EPHA8: variants seen among roughly 807,000 people sequenced by gnomAD.
The protein encoded by EPHA8 is ephrin type-A receptor 8.
Under a neutral mutation model 103.6 loss-of-function variants are expected in EPHA8, and 58 were observed. That is an observed-to-expected ratio of 0.56 (90% CI 0.45 to 0.70). EPHA8 has a LOEUF of 0.70. Ranked by LOEUF, EPHA8 falls within the 30% of genes least tolerant of loss-of-function variation. The pLI is 0.00. For synonymous variants in EPHA8, 559 were observed against 572.5 expected, an observed-to-expected ratio of 0.98 and a Z score of 0.34; for missense variants, 1,304 against 1,395.2, an observed-to-expected ratio of 0.93 and a Z score of 1.04.
At position 22,578,428 on chromosome 1, in the gene EPHA8, ATG is replaced by A. The variant is rs904533856; in HGVS notation, c.823+1552_823+1553del. 8.6e-5 allele frequency among the ~76,000 whole-genome samples: 7 copies of A among 81,438 alleles called. No individual in the cohort carries two copies. In the South Asian group the frequency reaches 1.3e-3, roughly 15 times the overall value. 53.4% of individuals were successfully genotyped at this position (81,438 alleles called of 152,430 possible). A position where few individuals can be genotyped will look rare whatever the true frequency, so the allele number is the denominator to read the frequency against. On this transcript the variant is annotated intron_variant, in intron 3 of 16. Coordinates refer to ENST00000166244, the MANE Select transcript of EPHA8 (RefSeq NM_020526.5). ...TGTATGCATGTCTGCATGTGTACGT[ATG>A]TGTACGTGTGTGCATGTGTGCGAGT... is the stretch of plus-strand genomic sequence containing the variant.
intron 5 of EPHA8, among the ~76,000 whole-genome samples, chr1:22,591,940 C>T (rs894530810): frequency 1.3e-5 from 2 of 152,200 alleles, no homozygotes; most frequent in Admixed American, 6.5e-5. Flanking sequence ...ACCAAAAGAA[C>T]CCCCATTCTC....
At position 22,601,885 on chromosome 1, in the gene EPHA8, C is replaced by T. The variant is rs1641748819; in HGVS notation, c.*144C>T. On this transcript the variant is annotated 3_prime_UTR_variant, in exon 17 of 17. Coordinates refer to ENST00000166244, the MANE Select transcript of EPHA8 (RefSeq NM_020526.5). ...GCTGGAGGAGCTGAAGGCTTCGCCA[C>T]AGGACCTGGAGTTATCAGGGGTCAG... The T allele has an allele frequency of 3.6e-6, 3 of 842,334 alleles. No individual in the cohort carries two copies. The highest frequency in any genetic ancestry group is 5.5e-6 in the Non-Finnish European group (3 of 542,052). 52.2% of individuals were successfully genotyped at this position (842,334 alleles called of 1,614,324 possible).
At position 22,598,717 on chromosome 1, in the gene EPHA8, A is replaced by G; in HGVS notation, c.2179-121A>G. ...CAAAGTGCTTCAGAAGTAGTGGCGC[A>G]CTTGGCAAATTGCAAAGCACCGTCT... On this transcript the variant is annotated intron_variant, in intron 12 of 16. Transcript: ENST00000166244. This position sits in a 1 kb window ranked among gnomAD's most constrained non-coding sequence, Gnocchi z 5.1. 1.0e-6 allele frequency: 1 copy of G among 973,596 alleles called. No homozygotes were observed. 60.3% of individuals were successfully genotyped at this position (973,596 alleles called of 1,614,324 possible).
At position 22,571,900 on chromosome 1, in the gene EPHA8, G is replaced by A. The variant is rs138469609; in HGVS notation, c.159+2547G>A. Among the ~76,000 whole-genome samples the A allele has an allele frequency of 3.0e-3, 461 of 152,226 alleles. 5 individuals are homozygous for A. Among genetic ancestry groups the A allele is most frequent in the African/African-American group, 9.9e-3 (413 of 41,534 alleles). The stretch of plus-strand genomic sequence containing the variant: ...AAAAAAATTAAAATTAGCTGAGAGT[G>A]GTGGTGCACGCTTGTGGTCCCCGCT... On this transcript the variant is annotated intron_variant, in intron 2 of 16. Coordinates refer to ENST00000166244, the MANE Select transcript of EPHA8 (RefSeq NM_020526.5).
At chr1:22,581,140 G>A (rs1387826969) in intron 3 of EPHA8, among the ~76,000 whole-genome samples, 1 of 152,124 alleles carries the variant, frequency 6.6e-6, no homozygotes, top group East Asian at 1.9e-4. Context: ...GAAAAACTGA[G>A]GTCCCTCAAC....
At chr1:22,584,306 C>A (rs555218690) in intron 3 of EPHA8, among the ~76,000 whole-genome samples, 17 of 152,304 alleles carry the variant, frequency 1.1e-4, no homozygotes, top group Admixed American at 7.8e-4. Flanking sequence ...GCTCCTAGAC[C>A]TGAGCTCAGC....
At chr1:22,566,189 T>G (rs1462435238) in intron 1 of EPHA8, among the ~76,000 whole-genome samples, 2 of 152,192 alleles carry the variant, frequency 1.3e-5, no homozygotes, top group East Asian at 3.9e-4. Flanking sequence ...CCCGGACCCC[T>G]GCCAGGCCCA....
rs76632203 is a variant in EPHA8 at position 22,592,194 on chromosome 1, G to A, written c.1316-1132G>A. Among the ~76,000 whole-genome samples, 57 of 152,084 alleles carry A rather than the reference G, an allele frequency of 3.7e-4. No individual in the cohort carries two copies. In the East Asian group the frequency reaches 8.5e-3, roughly 23 times the overall value. ...TCCTCCCTGGAGCCCTCTCGGACGC[G>A]AACCCCATTCCCCTCCCGCTCTGGG... On this transcript the variant is annotated intron_variant, in intron 5 of 16. Coordinates refer to ENST00000166244, the MANE Select transcript of EPHA8 (RefSeq NM_020526.5).
At chr1:22,583,175 C>T (rs540499147) in intron 3 of EPHA8, among the ~76,000 whole-genome samples, 87 of 152,354 alleles carry the variant, frequency 5.7e-4, no homozygotes, top group Non-Finnish European at 1.0e-3. Flanking sequence ...CGTGCAGGCT[C>T]CGGAAGCACC....
chr1:22,585,142 C>T (rs1412973258), intron 3 of EPHA8, among the ~76,000 whole-genome samples: 2 of 151,918 alleles, frequency 1.3e-5, no homozygotes, highest in East Asian at 1.9e-4. Flanking sequence ...AAAGGCAGCC[C>T]AGGAAGCGGG....
chr1:22,586,728 T>G, intron 4 of EPHA8, 93 bp downstream of exon 4: 19 of 1,476,120 alleles, frequency 1.3e-5, no homozygotes, highest in Admixed American at 1.9e-5. Context: ...GCCAGTTCTC[T>G]GCTGGTGGGG....
chr1:22,576,117 T>G lies in EPHA8; in HGVS notation c.160-100T>G. The stretch of plus-strand genomic sequence containing the variant: ...CCACCAGGAGGCCAGCTCCTTTGTC[T>G]TTTTTTTTGCCAGCGTCCCCAGCAC... On this transcript the variant is annotated intron_variant, in intron 2 of 16. Transcript: ENST00000166244. This position sits in a 1 kb window ranked among gnomAD's most constrained non-coding sequence, Gnocchi z 4.8. The G allele has an allele frequency of 8.1e-7, 1 of 1,235,602 alleles. No homozygotes were observed. Among genetic ancestry groups the G allele is most frequent in the South Asian group, 1.7e-5 (1 of 59,408 alleles). 76.5% of individuals were successfully genotyped at this position (1,235,602 alleles called of 1,614,324 possible).
chr1:22,578,469 T>G (rs1299635829), intron 3 of EPHA8, among the ~76,000 whole-genome samples: 1 of 151,624 alleles, frequency 6.6e-6, no homozygotes, highest in Non-Finnish European at 1.5e-5. Context: ...TGCATGTGTG[T>G]GCATGTGCAT....
chr1:22,566,710 G>A (rs1009498268), intron 1 of EPHA8, among the ~76,000 whole-genome samples: 4 of 152,188 alleles, frequency 2.6e-5, no homozygotes, highest in African/African-American at 4.8e-5. Context: ...GGCCAGCTGC[G>A]GTGACCAGAG....
Position 22,589,014 on chromosome 1 carries a change from C to T in EPHA8, c.1123C>T (p.Arg375Cys), listed in dbSNP as rs752982112. Residue 375 changes from arginine to cysteine, a missense_variant, in exon 5 of 17, where the codon CGC becomes TGC. Coordinates refer to ENST00000166244, the MANE Select transcript of EPHA8 (RefSeq NM_020526.5). The surrounding 1 kb of genome is among the most constrained non-coding windows in gnomAD (Gnocchi z 4.3). ...CCGCCGCTGCCCCTGGGCACTGAGC[C>T]GCTGCGAGGCATGTGGGAGCGGCAC... ...VCRRCPWALS[R>C]CEACGSGTRF... is the part of the protein sequence containing the mutation. The T allele has an allele frequency of 1.9e-5, 31 of 1,612,878 alleles. No homozygotes were observed. The highest frequency in any genetic ancestry group is 2.7e-5 in the African/African-American group (2 of 74,922).
chr1:22,589,603 A>G lies in EPHA8; in HGVS notation c.1315+397A>G, dbSNP rs1641322729. The G allele has an allele frequency of 3.1e-6, 4 of 1,274,942 alleles. No individual in the cohort carries two copies. The highest frequency in any genetic ancestry group is 3.9e-6 in the Non-Finnish European group (4 of 1,014,672). 79.0% of individuals were successfully genotyped at this position (1,274,942 alleles called of 1,614,324 possible). ...CTGGCCCGTGGTAAATGCTCAATAA[A>G]TGTCATTAAAAAATAAAATCACTCG... On this transcript the variant is annotated intron_variant, in intron 5 of 16. Coordinates refer to ENST00000166244, the MANE Select transcript of EPHA8 (RefSeq NM_020526.5). The surrounding 1 kb of genome is among the most constrained non-coding windows in gnomAD (Gnocchi z 4.3).
At position 22,589,346 on chromosome 1, in the gene EPHA8, G is replaced by A; in HGVS notation, c.1315+140G>A. ...CTCTCTGGCCCTGCGCTCCTCACCA[G>A]GACCCAGAGCTGGAGGCTCTTCATT... On this transcript the variant is annotated intron_variant, in intron 5 of 16. Transcript: ENST00000166244. This position sits in a 1 kb window ranked among gnomAD's most constrained non-coding sequence, Gnocchi z 4.3. 1 of 1,598,082 alleles carries A rather than the reference G, an allele frequency of 6.3e-7. No homozygotes were observed. Among genetic ancestry groups the A allele is most frequent in the Non-Finnish European group, 8.5e-7 (1 of 1,173,816 alleles).
At chr1:22,571,953 C>G (rs1215089801) in intron 2 of EPHA8, among the ~76,000 whole-genome samples, 1 of 152,132 alleles carries the variant, frequency 6.6e-6, no homozygotes, top group Non-Finnish European at 1.5e-5. Context: ...AGGAGGATCG[C>G]TTGAGCCTGG....
At chr1:22,573,542 C>T (rs753493073) in intron 2 of EPHA8, among the ~76,000 whole-genome samples, 1 of 152,072 alleles carries the variant, frequency 6.6e-6, no homozygotes, top group South Asian at 2.1e-4. Context: ...AGCATCTGGT[C>T]ATGAAGCCCC....
Sources: allele counts gnomAD v4.1 joint callset (sites outside exome capture counted in the v4.1 genomes callset), GRCh38; gene constraint gnomAD v4.1.1; non-coding constraint Gnocchi (gnomAD v3.1); transcripts MANE v1.5; gene names NCBI Gene and HGNC (gene_info 2026-07-23, HGNC 2026-07-21).